The following EMCN variants were observed in gnomAD, a reference collection of about 807,000 sequenced individuals.
EMCN encodes the protein endomucin, also known as MUC-14.
Under a neutral mutation model 38.4 loss-of-function variants are expected in EMCN, and 37 were observed. That is an observed-to-expected ratio of 0.96 (90% CI 0.74 to 1.27). EMCN has a LOEUF of 1.27. Among genes scored for constraint, EMCN ranks in the 50% most tolerant of loss-of-function variants. The pLI, the probability that EMCN is intolerant of heterozygous loss-of-function variation, is 0.00. For missense variants in EMCN, 318 were observed against 302.8 expected (o/e 1.05, Z -0.37); for synonymous variants, 95 against 100.8 (o/e 0.94, Z 0.35).
intron 1 of EMCN, among the ~76,000 whole-genome samples, chr4:100,495,046 G>T (rs1160744665): frequency 6.6e-6 from 1 of 152,050 alleles, no homozygotes; most frequent in South Asian, 2.1e-4. Context: ...TATGAGATTT[G>T]ACAGATGCAG....
At chr4:100,419,155 G>A (rs1025496722) in intron 8 of EMCN, among the ~76,000 whole-genome samples, 12 of 152,124 alleles carry the variant, frequency 7.9e-5, no homozygotes, top group South Asian at 2.1e-4. Context: ...TATTTTCTGC[G>A]TATATACCAT....
intron 4 of EMCN, among the ~76,000 whole-genome samples, chr4:100,463,705 A>G (rs28386790): frequency 6.6e-6 from 1 of 152,202 alleles, no homozygotes; most frequent in East Asian, 1.9e-4. Flanking sequence ...TTCTGTCCCT[A>G]TAAACTGTCT....
chr4:100,401,472 A>G (rs1346903802), intron 11 of EMCN, among the ~76,000 whole-genome samples: 5 of 152,142 alleles, frequency 3.3e-5, no homozygotes. Flanking sequence ...AGATTTTGGT[A>G]TCTCCAGGCC....
At chr4:100,441,063 G>A (rs1727501754) in intron 5 of EMCN, among the ~76,000 whole-genome samples, 1 of 151,938 alleles carries the variant, frequency 6.6e-6, no homozygotes, top group African/African-American at 2.4e-5. Context: ...ACTCCAGCCT[G>A]GGCAACAGAG....
At chr4:100,456,596 T>A (rs1000003635) in intron 4 of EMCN, among the ~76,000 whole-genome samples, 4 of 152,194 alleles carry the variant, frequency 2.6e-5, no homozygotes, top group Admixed American at 2.6e-4. Flanking sequence ...TAAGTTACTG[T>A]AGTTTAAAAT....
intron 2 of EMCN, among the ~76,000 whole-genome samples, chr4:100,475,747 G>A (rs1309299592): frequency 9.1e-5 from 12 of 131,724 alleles, no homozygotes; most frequent in African/African-American, 3.2e-4. Flanking sequence ...GCGCGATCTC[G>A]GCTCACTGCA....
Position 100,396,120 on chromosome 4 carries a change from T to C in EMCN, c.*2293A>G, listed in dbSNP as rs1235926810. 1.3e-5 allele frequency: 2 copies of C among 152,176 alleles called. No homozygotes were observed. Among genetic ancestry groups the C allele is most frequent in the Non-Finnish European group, 2.9e-5 (2 of 68,026 alleles). 9.4% of individuals were successfully genotyped at this position (152,176 alleles called of 1,614,324 possible). The stretch of plus-strand genomic sequence containing the variant: ...TTTGGCTTGAAAACAAAATATCCTA[T>C]CTCAACAGAAGTTTAAGTTGGTTTA... On this transcript the variant is annotated 3_prime_UTR_variant, in exon 12 of 12. Transcript: ENST00000296420.
chr4:100,424,754 T>A (rs1409497439), intron 5 of EMCN, among the ~76,000 whole-genome samples: 1 of 152,046 alleles, frequency 6.6e-6, no homozygotes, highest in Non-Finnish European at 1.5e-5. Context: ...TACTTTCAGC[T>A]GCCTTTTCCA....
At chr4:100,423,459 G>T in intron 5 of EMCN, 55 bp from the exon 6 acceptor site, 4 of 1,251,598 alleles carry the variant, frequency 3.2e-6, no homozygotes, top group Non-Finnish European at 4.7e-6. Context: ...CTTCATATGG[G>T]ATTTCTTTGC....
intron 5 of EMCN, among the ~76,000 whole-genome samples, chr4:100,440,109 A>G (rs894737274): frequency 2.0e-5 from 3 of 152,150 alleles, no homozygotes; most frequent in Admixed American, 1.3e-4. Flanking sequence ...TCCTGCTGTT[A>G]AAGTAAAGCT....
intron 5 of EMCN, among the ~76,000 whole-genome samples, chr4:100,433,727 G>A (rs1727268768): frequency 2.0e-5 from 3 of 151,944 alleles, no homozygotes. Flanking sequence ...GTAGGGACGG[G>A]GTTTCACCAT....
chr4:100,432,809 T>A (rs1028283953), intron 5 of EMCN, among the ~76,000 whole-genome samples: 1 of 152,170 alleles, frequency 6.6e-6, no homozygotes, highest in Non-Finnish European at 1.5e-5. Context: ...TATCTTTCTT[T>A]GATCTCTCAT....
intron 11 of EMCN, among the ~76,000 whole-genome samples, chr4:100,405,628 G>C (rs1353678509): frequency 6.6e-6 from 1 of 152,002 alleles, no homozygotes; most frequent in Non-Finnish European, 1.5e-5. Flanking sequence ...TACTTTACTA[G>C]TATTTTGTTG....
intron 1 of EMCN, among the ~76,000 whole-genome samples, chr4:100,513,641 T>A (rs1729683691): frequency 6.6e-6 from 1 of 152,160 alleles, no homozygotes; most frequent in South Asian, 2.1e-4. Flanking sequence ...TAAGAATCCC[T>A]TTCCCTTATA....
rs962212773 is a variant in EMCN, at chr4:100,395,360, G to C, written c.*3053C>G. 2.0e-5 allele frequency: 3 copies of C among 152,146 alleles called. No homozygotes were observed. Among genetic ancestry groups the C allele is most frequent in the Admixed American group, 2.0e-4 (3 of 15,260 alleles). 9.4% of individuals were successfully genotyped at this position (152,146 alleles called of 1,614,324 possible). On this transcript the variant is annotated 3_prime_UTR_variant, in exon 12 of 12. Coordinates refer to ENST00000296420, the MANE Select transcript of EMCN (RefSeq NM_016242.4). ...GACAAATTCCCTAGAAATTGGGGCA[G>C]AGTACACCCATTTATTGGAAAATGA...
chr4:100,466,798 G>T (rs1316441494), intron 3 of EMCN, among the ~76,000 whole-genome samples: 2 of 152,186 alleles, frequency 1.3e-5, no homozygotes, highest in Admixed American at 1.3e-4. Flanking sequence ...GAACTCCTGG[G>T]GGTAAAGATT....
At chr4:100,517,460 G>T (rs1370680418) in intron 1 of EMCN, among the ~76,000 whole-genome samples, 1 of 151,986 alleles carries the variant, frequency 6.6e-6, no homozygotes, top group Non-Finnish European at 1.5e-5. Flanking sequence ...TAATGTCTCC[G>T]ATTACAGCCT....
Position 100,395,787 on chromosome 4 carries a change from G to A in EMCN, c.*2626C>T, listed in dbSNP as rs891393897. 2.0e-5 allele frequency: 3 copies of A among 152,102 alleles called. No individual in the cohort carries two copies. The highest frequency in any genetic ancestry group is 4.4e-5 in the Non-Finnish European group (3 of 68,026). The allele number at this position is 152,102 out of a possible 1,614,324, so 9.4% of individuals were successfully genotyped here. ...AACAGAATAGTTCAGTTCAGCAAGG[G>A]GAATTCAGAATTCTTTCTCTGCTGG... On this transcript the variant is annotated 3_prime_UTR_variant, in exon 12 of 12. Transcript: ENST00000296420.
At chr4:100,447,933 A>AT (rs1428253036) in intron 4 of EMCN, among the ~76,000 whole-genome samples, 8 of 152,120 alleles carry the variant, frequency 5.3e-5, no homozygotes, top group African/African-American at 1.9e-4. Context: ...AGGGTATTCA[A>AT]TTTTGCCCGT....
Sources: allele counts gnomAD v4.1 joint callset (sites outside exome capture counted in the v4.1 genomes callset), GRCh38; gene constraint gnomAD v4.1.1; transcripts MANE v1.5; gene names NCBI Gene and HGNC (gene_info 2026-07-23, HGNC 2026-07-21).